Variants in ITGBL1 observed in about 807,000 individuals in gnomAD.
The protein encoded by ITGBL1 is integrin beta-like protein 1.
In ITGBL1, 51 loss-of-function variants were observed where a neutral mutation model predicts 68.5. That is an observed-to-expected ratio of 0.74 (90% CI 0.59 to 0.94). The LOEUF (loss-of-function observed/expected upper bound fraction) is 0.94. Ranked by LOEUF, ITGBL1 falls within the 40% of genes least tolerant of loss-of-function variation. ITGBL1 has a pLI of 0.00. For synonymous variants in ITGBL1, 209 were observed against 227.3 expected, an observed-to-expected ratio of 0.92 and a Z score of 0.72; for missense variants, 649 against 647.4, an observed-to-expected ratio of 1.00 and a Z score of -0.03.
chr13:101,615,811 TAATA>T (rs1594932333), intron 7 of ITGBL1, among the ~76,000 whole-genome samples: 1 of 151,956 alleles, frequency 6.6e-6, no homozygotes, highest in African/African-American at 2.4e-5. Flanking sequence ...AATAATAAAA[TAATA>T]AATAAATAAC....
chr13:101,714,831 G>T, intron 10 of ITGBL1: 1 of 409,448 alleles, frequency 2.4e-6, no homozygotes, highest in Non-Finnish European at 4.4e-6. Flanking sequence ...GTATGCAGTT[G>T]TATATTGAAC....
At chr13:101,568,773 A>T (rs2050222050) in intron 3 of ITGBL1, among the ~76,000 whole-genome samples, 1 of 152,004 alleles carries the variant, frequency 6.6e-6, no homozygotes, top group Non-Finnish European at 1.5e-5. Flanking sequence ...CAGAGCTGAG[A>T]ATTCCCCACA....
rs148664590 is a variant in ITGBL1, at chr13:101,556,562, G to A, written c.317-11137G>A. 7.5e-3 allele frequency among the ~76,000 whole-genome samples: 1,136 copies of A among 152,272 alleles called. 5 individuals are homozygous for A. The highest frequency in any genetic ancestry group is 0.011 in the Non-Finnish European group (775 of 68,020). ...AGGCAGAATTGCTTGAACTCCAGAG[G>A]CGGAGGTTGTGGTGAGCCGAGATTG... On this transcript the variant is annotated intron_variant, in intron 2 of 10. Coordinates refer to ENST00000376180, the MANE Select transcript of ITGBL1 (RefSeq NM_004791.3).
intron 7 of ITGBL1, among the ~76,000 whole-genome samples, chr13:101,670,370 TTG>T (rs1435138346): frequency 6.6e-5 from 10 of 152,302 alleles, no homozygotes; most frequent in African/African-American, 1.4e-4. Context: ...AGGTTCGTGT[TTG>T]TGTGTTTCTT....
chr13:101,509,866 A>G (rs2049087305), intron 2 of ITGBL1, among the ~76,000 whole-genome samples: 1 of 151,932 alleles, frequency 6.6e-6, no homozygotes, highest in Non-Finnish European at 1.5e-5. Flanking sequence ...TCAAATCCCC[A>G]ATGTTTTAAA....
chr13:101,535,005 G>A (rs544317089), intron 2 of ITGBL1, among the ~76,000 whole-genome samples: 1 of 152,166 alleles, frequency 6.6e-6, no homozygotes, highest in African/African-American at 2.4e-5. Flanking sequence ...CCTTCATTCT[G>A]TAGCTTTGTT....
chr13:101,569,138 G>A (rs1296186227), intron 3 of ITGBL1, among the ~76,000 whole-genome samples: 1 of 150,982 alleles, frequency 6.6e-6, no homozygotes, highest in African/African-American at 2.4e-5. Flanking sequence ...GCGCGCGCAT[G>A]CCCCATAGCG....
At chr13:101,569,718 C>G (rs1266496886) in intron 3 of ITGBL1, among the ~76,000 whole-genome samples, 1 of 152,038 alleles carries the variant, frequency 6.6e-6, no homozygotes, top group East Asian at 1.9e-4. Flanking sequence ...CTGATGTCTC[C>G]CCCGCCATGA....
chr13:101,581,105 C>T (rs1280575572), intron 5 of ITGBL1, among the ~76,000 whole-genome samples: 1 of 152,160 alleles, frequency 6.6e-6, no homozygotes, highest in Non-Finnish European at 1.5e-5. Context: ...GGTCCCTGCA[C>T]ATACCTATCT....
intron 9 of ITGBL1, among the ~76,000 whole-genome samples, chr13:101,708,243 A>G (rs2139590867): frequency 6.6e-6 from 1 of 152,332 alleles, no homozygotes; most frequent in East Asian, 1.9e-4. Context: ...GCTAGTGACT[A>G]GGAAGACACA....
chr13:101,709,703 G>C (rs1397117160), intron 9 of ITGBL1, among the ~76,000 whole-genome samples: 5 of 152,168 alleles, frequency 3.3e-5, no homozygotes, highest in Admixed American at 6.5e-5. Context: ...ATTTATATTT[G>C]TTTATTTTAA....
chr13:101,461,335 T>G (rs1165417277), intron 2 of ITGBL1, among the ~76,000 whole-genome samples: 1 of 152,158 alleles, frequency 6.6e-6, no homozygotes, highest in Non-Finnish European at 1.5e-5. Context: ...GAGCCTCATA[T>G]ACATATTGTT....
intron 7 of ITGBL1, among the ~76,000 whole-genome samples, chr13:101,642,574 G>C (rs1422274423): frequency 6.6e-6 from 1 of 152,042 alleles, no homozygotes; most frequent in Non-Finnish European, 1.5e-5. Flanking sequence ...TTAATTAGAT[G>C]CCATTTGTCA....
chr13:101,575,217 T>C (rs1034996004), intron 3 of ITGBL1, among the ~76,000 whole-genome samples: 2 of 152,090 alleles, frequency 1.3e-5, no homozygotes, highest in African/African-American at 2.4e-5. Flanking sequence ...ATAATAATAG[T>C]TGTGTGATCT....
intron 7 of ITGBL1, among the ~76,000 whole-genome samples, chr13:101,677,021 T>C (rs1218808547): frequency 6.6e-6 from 1 of 151,986 alleles, no homozygotes; most frequent in Non-Finnish European, 1.5e-5. Flanking sequence ...CTACTTGGGA[T>C]GCTGAGGCAC....
At chr13:101,671,430 T>TTTTTG (rs1566784411) in intron 7 of ITGBL1, among the ~76,000 whole-genome samples, 7 of 67,114 alleles carry the variant, frequency 1.0e-4, no homozygotes, top group South Asian at 6.8e-4. Flanking sequence ...ACCTTTGTTT[T>TTTTTG]TTTTTTGTTT....
chr13:101,571,647 C>T (rs1179664202), intron 3 of ITGBL1, among the ~76,000 whole-genome samples: 1 of 152,110 alleles, frequency 6.6e-6, no homozygotes, highest in Non-Finnish European at 1.5e-5. Context: ...AACTTTATTG[C>T]TCTCTTCCTT....
At chr13:101,699,549 A>C (rs895817397) in intron 8 of ITGBL1, among the ~76,000 whole-genome samples, 2 of 152,034 alleles carry the variant, frequency 1.3e-5, no homozygotes, top group Non-Finnish European at 2.9e-5. Flanking sequence ...TTCCCCCTTC[A>C]CTCGACTCTC....
At chr13:101,563,700 C>A (rs1003120353) in intron 2 of ITGBL1, among the ~76,000 whole-genome samples, 96 of 151,956 alleles carry the variant, frequency 6.3e-4, no homozygotes, top group African/African-American at 2.2e-3. Context: ...ATTTTACTAG[C>A]AAATTCTACC....
Sources: allele counts gnomAD v4.1 joint callset (sites outside exome capture counted in the v4.1 genomes callset), GRCh38; gene constraint gnomAD v4.1.1; transcripts MANE v1.5; gene names NCBI Gene and HGNC (gene_info 2026-07-23, HGNC 2026-07-21).